NEGR1: variants seen among roughly 807,000 people sequenced by gnomAD.
NEGR1 encodes IgLON family member 4.
In NEGR1, 10 loss-of-function variants were observed where a neutral mutation model predicts 40.9. The observed-to-expected ratio is 0.24, with a 90% CI of 0.15 to 0.42. The LOEUF is 0.42. Ranked by LOEUF, NEGR1 falls within the 10% of genes least tolerant of loss-of-function variation. The pLI, the probability that NEGR1 is intolerant of heterozygous loss-of-function variation, is 1.00. For missense variants in NEGR1, 352 were observed against 438.9 expected (o/e 0.80, Z 1.77); for synonymous variants, 185 against 166.8 (o/e 1.11, Z -0.84).
rs57576840 is a variant in NEGR1, at chr1:71,780,040, C to CAAAAAAAAAAAAAAAA, written c.410-3759_410-3744dup. On this transcript the variant is annotated intron_variant, in intron 2 of 6. Coordinates refer to ENST00000357731, the MANE Select transcript of NEGR1 (RefSeq NM_173808.3). Reference sequence around the variant, plus strand: ...GTGCTAAGCACTTGCATAGGAAAACCAAAAAAAAAAAAAAAAAAAAAAAAA... The same window carrying CAAAAAAAAAAAAAAAA: ...GTGCTAAGCACTTGCATAGGAAAACCAAAAAAAAAAAAAAAAAAAAAAAAAAAAAAAAAAAAAAAAA... Among the ~76,000 whole-genome samples, 102 of 99,730 alleles carry CAAAAAAAAAAAAAAAA rather than the reference C, an allele frequency of 1.0e-3. 1 individual carries two copies. The highest frequency in any genetic ancestry group is 1.4e-3 in the African/African-American group (29 of 21,212). The allele number at this position is 99,730 out of a possible 152,430, so 65.4% of individuals were successfully genotyped here.
At chr1:71,869,572 C>T (rs545286125) in intron 2 of NEGR1, among the ~76,000 whole-genome samples, 6 of 152,182 alleles carry the variant, frequency 3.9e-5, no homozygotes, top group Admixed American at 1.3e-4. Context: ...AACAGTGCTA[C>T]ACAAGGCTTG....
chr1:71,785,550 C>A (rs1656881503), intron 2 of NEGR1, among the ~76,000 whole-genome samples: 1 of 152,036 alleles, frequency 6.6e-6, no homozygotes, highest in Non-Finnish European at 1.5e-5. Flanking sequence ...TTAAGGAAAG[C>A]AAGTACCTTC....
intron 3 of NEGR1, among the ~76,000 whole-genome samples, chr1:71,747,574 G>A (rs1655428880): frequency 6.6e-6 from 1 of 152,022 alleles, no homozygotes; most frequent in Non-Finnish European, 1.5e-5. Context: ...ACAGGCATGG[G>A]CCACAACACC....
At chr1:72,160,891 C>T (rs553160697) in intron 1 of NEGR1, among the ~76,000 whole-genome samples, 1 of 152,154 alleles carries the variant, frequency 6.6e-6, no homozygotes, top group Non-Finnish European at 1.5e-5. Flanking sequence ...TCCTTTGGTT[C>T]TTAGGGATAT....
intron 1 of NEGR1, among the ~76,000 whole-genome samples, chr1:72,054,957 T>C (rs1168325231): frequency 6.6e-6 from 1 of 151,122 alleles, no homozygotes; most frequent in African/African-American, 2.4e-5. Context: ...TGCAAGCGCA[T>C]TCAATTTATG....
intron 1 of NEGR1, among the ~76,000 whole-genome samples, chr1:72,084,925 T>A (rs1230464494): frequency 6.6e-6 from 1 of 152,206 alleles, no homozygotes; most frequent in Non-Finnish European, 1.5e-5. Flanking sequence ...AAAGTGAGTA[T>A]TAAATTAAAT....
chr1:71,697,821 T>C lies in NEGR1; in HGVS notation c.667+187A>G, dbSNP rs1440829493. 1.2e-5 allele frequency: 7 copies of C among 577,162 alleles called. No homozygotes were observed. The Admixed American group carries it at 1.9e-4, about 16-fold the overall frequency. 35.8% of individuals were successfully genotyped at this position (577,162 alleles called of 1,614,324 possible). ...TCAGACTGAATTATTGTGGGTTTAC[T>C]TGGGACAATTGTTGTTACATTAACC... On this transcript the variant is annotated intron_variant, in intron 4 of 6. Transcript: ENST00000357731.
At chr1:71,742,959 C>T (rs1655263586) in intron 3 of NEGR1, among the ~76,000 whole-genome samples, 1 of 152,114 alleles carries the variant, frequency 6.6e-6, no homozygotes, top group Admixed American at 6.6e-5. Flanking sequence ...GTGGCACTCC[C>T]ATGACAGAAT....
intron 2 of NEGR1, among the ~76,000 whole-genome samples, chr1:71,855,558 A>T (rs1659733502): frequency 6.6e-6 from 1 of 152,148 alleles, no homozygotes; most frequent in Non-Finnish European, 1.5e-5. Flanking sequence ...GAGGTTTCAT[A>T]CCGAGACCTG....
intron 1 of NEGR1, among the ~76,000 whole-genome samples, chr1:72,145,679 G>A (rs1650879298): frequency 6.6e-6 from 1 of 152,024 alleles, no homozygotes; most frequent in Non-Finnish European, 1.5e-5. Context: ...CAAGACAGTT[G>A]ATATCCTAGG....
chr1:71,904,405 T>C (rs1235279232), intron 2 of NEGR1, among the ~76,000 whole-genome samples: 2 of 152,110 alleles, frequency 1.3e-5, no homozygotes, highest in African/African-American at 2.4e-5. Flanking sequence ...TATGATACTA[T>C]ACATCACTAT....
At chr1:71,980,885 CCTT>C (rs535659134) in intron 1 of NEGR1, among the ~76,000 whole-genome samples, 78 of 152,148 alleles carry the variant, frequency 5.1e-4, no homozygotes, top group African/African-American at 1.8e-3. Context: ...TTCTCACCAT[CCTT>C]CTTTATTTGG....
chr1:71,527,493 C>T (rs1018046209), intron 6 of NEGR1, among the ~76,000 whole-genome samples: 17 of 151,314 alleles, frequency 1.1e-4, no homozygotes, highest in South Asian at 2.1e-4. Context: ...TTAAGATTTT[C>T]GAATTTTGTT....
rs1275931336 is a variant in NEGR1 at position 71,554,303 on chromosome 1, A to T, written c.940+38514T>A. 2.0e-5 allele frequency among the ~76,000 whole-genome samples: 3 copies of T among 151,590 alleles called. No homozygotes were observed. In the East Asian group the frequency reaches 5.8e-4, roughly 30 times the overall value. On this transcript the variant is annotated intron_variant, in intron 6 of 6. Coordinates refer to ENST00000357731, the MANE Select transcript of NEGR1 (RefSeq NM_173808.3). ...CTAATCATAGATAATATTATTTGCTAATTAGACAATATTATATTGCACATT... is the reference window on the plus strand; with the variant it reads ...CTAATCATAGATAATATTATTTGCTTATTAGACAATATTATATTGCACATT...
At chr1:72,024,858 A>T (rs1646793122) in intron 1 of NEGR1, among the ~76,000 whole-genome samples, 1 of 152,190 alleles carries the variant, frequency 6.6e-6, no homozygotes. Flanking sequence ...TGACAGCTAT[A>T]AGCTTACCTC....
rs549475781 is a variant in NEGR1 at position 71,673,031 on chromosome 1, C to T, written c.667+24977G>A. The stretch of plus-strand genomic sequence containing the variant: ...CGGGCGGATCATGAGGTCAGGAGAT[C>T]GAGACGATCCTGACTAATACAGTGA... On this transcript the variant is annotated intron_variant, in intron 4 of 6. Coordinates refer to ENST00000357731, the MANE Select transcript of NEGR1 (RefSeq NM_173808.3). 7.9e-5 allele frequency among the ~76,000 whole-genome samples: 12 copies of T among 151,854 alleles called. No homozygotes were observed. In the South Asian group the frequency reaches 1.7e-3, roughly 21 times the overall value.
At chr1:71,801,716 A>C (rs1055360551) in intron 2 of NEGR1, among the ~76,000 whole-genome samples, 3 of 152,134 alleles carry the variant, frequency 2.0e-5, no homozygotes, top group Non-Finnish European at 4.4e-5. Context: ...TCAGTTCTCA[A>C]CACAGAAGTC....
chr1:72,023,872 T>C (rs1646782035), intron 1 of NEGR1, among the ~76,000 whole-genome samples: 1 of 152,108 alleles, frequency 6.6e-6, no homozygotes, highest in Admixed American at 6.6e-5. Context: ...TGCTATGCTC[T>C]CCTGCCTTGA....
At chr1:71,810,156 G>A (rs372566341) in intron 2 of NEGR1, among the ~76,000 whole-genome samples, 2 of 152,128 alleles carry the variant, frequency 1.3e-5, no homozygotes, top group South Asian at 2.1e-4. Flanking sequence ...CAGCAGAGCA[G>A]CTTTGGGGTA....
Sources: allele counts gnomAD v4.1 joint callset (sites outside exome capture counted in the v4.1 genomes callset), GRCh38; gene constraint gnomAD v4.1.1; transcripts MANE v1.5; gene names NCBI Gene and HGNC (gene_info 2026-07-23, HGNC 2026-07-21).